Variants in ADAMTS2 observed in about 807,000 individuals in gnomAD.
ADAMTS2 encodes the protein ADAM metallopeptidase with thrombospondin type 1 motif 2, also known as A disintegrin and metalloproteinase with thrombospondin motifs 2.
Under a neutral mutation model 123.0 loss-of-function variants are expected in ADAMTS2, and 50 were observed. The observed-to-expected ratio is 0.41, with a 90% CI of 0.32 to 0.51. ADAMTS2 has a LOEUF of 0.51. ADAMTS2 is among the 20% of genes least tolerant of loss of function. ADAMTS2 has a pLI of 0.35. For missense variants in ADAMTS2, 1,494 were observed against 1,705.2 expected, an observed-to-expected ratio of 0.88 and a Z score of 2.18; for synonymous variants, 678 against 695.4, an observed-to-expected ratio of 0.98 and a Z score of 0.39.
chr5:179,289,490 A>G (rs1756126231), intron 2 of ADAMTS2, among the ~76,000 whole-genome samples: 1 of 152,220 alleles, frequency 6.6e-6, no homozygotes, highest in Admixed American at 6.5e-5. Flanking sequence ...GGTACGACTT[A>G]TCCGTGGAGG....
intron 3 of ADAMTS2, among the ~76,000 whole-genome samples, chr5:179,221,313 G>A (rs1055850343): frequency 3.3e-5 from 5 of 152,110 alleles, no homozygotes; most frequent in Admixed American, 6.5e-5. Context: ...TCTGTCCCCC[G>A]CATCCCGAGC....
At chr5:179,154,976 G>GC in intron 6 of ADAMTS2, 57 bp from the exon 7 acceptor site, 1 of 1,501,678 alleles carries the variant, frequency 6.7e-7, no homozygotes, top group Non-Finnish European at 9.1e-7. Flanking sequence ...GGGAAGGTGA[G>GC]GCCTGGCCTA....
At position 179,201,514 on chromosome 5, in the gene ADAMTS2, G is replaced by A. The variant is rs189683990; in HGVS notation, c.891+5999C>T. Among the ~76,000 whole-genome samples the A allele has an allele frequency of 3.4e-4, 52 of 151,894 alleles. No homozygotes were observed. In the Middle Eastern group the frequency reaches 0.02, roughly 60 times the overall value. ...CATAGCAAAAAAAATGTCCCGGCACGGTGGCTCACGCCTGTAATCCCAGCA... is the reference window on the plus strand; with the variant it reads ...CATAGCAAAAAAAATGTCCCGGCACAGTGGCTCACGCCTGTAATCCCAGCA... On this transcript the variant is annotated intron_variant, in intron 4 of 21. Transcript: ENST00000251582.
chr5:179,286,216 CAAA>C (rs33951526), intron 2 of ADAMTS2, among the ~76,000 whole-genome samples: 4 of 66,050 alleles, frequency 6.1e-5, no homozygotes, highest in African/African-American at 6.2e-5. Flanking sequence ...ACTCTTGTCT[CAAA>C]AAAAAAAAAA....
rs1482657742 is a variant in ADAMTS2 at position 179,117,060 on chromosome 5, C to T, written c.3179-2736G>A. ...CAGATAAAAATCTTACACAGGTGCC[C>T]AATATATGAAACAGATAGACTCAGA... is the stretch of plus-strand genomic sequence containing the variant. On this transcript the variant is annotated intron_variant, in intron 21 of 21. Coordinates refer to ENST00000251582, the MANE Select transcript of ADAMTS2 (RefSeq NM_014244.5). The surrounding 1 kb of genome is among the most constrained non-coding windows in gnomAD (Gnocchi z 4.2). Among the ~76,000 whole-genome samples the T allele has an allele frequency of 6.6e-6, 1 of 152,142 alleles. No individual in the cohort carries two copies. The highest frequency in any genetic ancestry group is 1.5e-5 in the Non-Finnish European group (1 of 68,038).
At chr5:179,326,745 C>T (rs1342057703) in intron 2 of ADAMTS2, among the ~76,000 whole-genome samples, 1 of 152,090 alleles carries the variant, frequency 6.6e-6, no homozygotes, top group Admixed American at 6.6e-5. Context: ...ACAGGAGGCT[C>T]GCTCGCCCAG....
intron 2 of ADAMTS2, 34 bp from the exon 3 acceptor site, chr5:179,273,098 G>A (rs749601062): frequency 1.2e-6 from 2 of 1,613,178 alleles, no homozygotes; most frequent in South Asian, 2.2e-5. Context: ...CAGATTTCCA[G>A]CACACAAAAG....
chr5:179,128,947 T>G lies in ADAMTS2; in HGVS notation c.2458-829A>C, dbSNP rs1210217892. On this transcript the variant is annotated intron_variant, in intron 16 of 21. Coordinates refer to ENST00000251582, the MANE Select transcript of ADAMTS2 (RefSeq NM_014244.5). The surrounding 1 kb of genome is among the most constrained non-coding windows in gnomAD (Gnocchi z 4.9). The stretch of plus-strand genomic sequence containing the variant: ...GTGATGTATGTGACACTCAACAGAC[T>G]GCAGAAAGAACCCCTGTTTGTGGGA... Among the ~76,000 whole-genome samples, 1 of 152,146 alleles carries G rather than the reference T, an allele frequency of 6.6e-6. No homozygotes were observed. The highest frequency in any genetic ancestry group is 1.9e-4 in the East Asian group (1 of 5,188).
At position 179,255,645 on chromosome 5, in the gene ADAMTS2, G is replaced by A. The variant is rs146368460; in HGVS notation, c.688+17266C>T. Among the ~76,000 whole-genome samples the A allele has an allele frequency of 5.7e-3, 861 of 152,080 alleles. 11 individuals are homozygous for A. The highest frequency in any genetic ancestry group is 0.02 in the African/African-American group (824 of 41,484). ...CCTGGCTGGGGCCTGACTCAGAATG[G>A]GGTCAGCAAAGCCCTGAGGTAGAGC... On this transcript the variant is annotated intron_variant, in intron 3 of 21. Coordinates refer to ENST00000251582, the MANE Select transcript of ADAMTS2 (RefSeq NM_014244.5).
intron 2 of ADAMTS2, among the ~76,000 whole-genome samples, chr5:179,280,802 A>ATGTT (rs1766876931): frequency 6.6e-6 from 1 of 152,232 alleles, no homozygotes; most frequent in African/African-American, 2.4e-5. Context: ...CGACTCAACC[A>ATGTT]GAGAGTTTAA....
chr5:179,276,535 A>T (rs1766699973), intron 2 of ADAMTS2, among the ~76,000 whole-genome samples: 1 of 152,178 alleles, frequency 6.6e-6, no homozygotes, highest in South Asian at 2.1e-4. Context: ...TTTCCCGTGC[A>T]CACTCACACA....
At chr5:179,157,885 G>T (rs545360131) in intron 6 of ADAMTS2, among the ~76,000 whole-genome samples, 4 of 151,984 alleles carry the variant, frequency 2.6e-5, no homozygotes, top group Non-Finnish European at 5.9e-5. Flanking sequence ...GTGGATTAGC[G>T]TGCCTTTAAT....
At chr5:179,258,943 G>C (rs922290706) in intron 3 of ADAMTS2, among the ~76,000 whole-genome samples, 7 of 152,120 alleles carry the variant, frequency 4.6e-5, no homozygotes, top group African/African-American at 9.7e-5. Flanking sequence ...GGGCTGATCC[G>C]GCCGCTGCTC....
chr5:179,135,001 C>T (rs1414627138), intron 13 of ADAMTS2, among the ~76,000 whole-genome samples: 1 of 139,570 alleles, frequency 7.2e-6, no homozygotes, highest in African/African-American at 2.7e-5. Flanking sequence ...CCCCAGCTCC[C>T]GGCTCCAGTC....
In ADAMTS2 at chr5:179,228,516, G is replaced by A. The variant is rs1412643478; in HGVS notation, c.689-20801C>T. On this transcript the variant is annotated intron_variant, in intron 3 of 21. Transcript: ENST00000251582. This position sits in a 1 kb window ranked among gnomAD's most constrained non-coding sequence, Gnocchi z 5.2. ...CTGCCATAGCCCAAAACCAGTGTGG[G>A]TGTGAAGCGGAAGGAGACTCTGCAG... Among the ~76,000 whole-genome samples the A allele has an allele frequency of 2.0e-5, 3 of 152,226 alleles. No individual in the cohort carries two copies. Among genetic ancestry groups the A allele is most frequent in the African/African-American group, 7.2e-5 (3 of 41,472 alleles).
intron 2 of ADAMTS2, among the ~76,000 whole-genome samples, chr5:179,296,095 T>C (rs1266040729): frequency 6.6e-5 from 10 of 152,120 alleles, no homozygotes; most frequent in African/African-American, 2.2e-4. Context: ...CCTCGGACGA[T>C]GCAGTGATGG....
Position 179,225,036 on chromosome 5 carries a change from A to C in ADAMTS2, c.689-17321T>G, listed in dbSNP as rs1765248257. 6.6e-6 allele frequency among the ~76,000 whole-genome samples: 1 copy of C among 152,076 alleles called. No homozygotes were observed. The highest frequency in any genetic ancestry group is 1.5e-5 in the Non-Finnish European group (1 of 68,020). On this transcript the variant is annotated intron_variant, in intron 3 of 21. Coordinates refer to ENST00000251582, the MANE Select transcript of ADAMTS2 (RefSeq NM_014244.5). This position sits in a 1 kb window ranked among gnomAD's most constrained non-coding sequence, Gnocchi z 4.5. ...GTTCACGCCCCACTTGTTTCTCCAC[A>C]TCCCTTTCCCACCTTGAAGGACAGC...
At chr5:179,184,189 G>A (rs192857111) in intron 4 of ADAMTS2, among the ~76,000 whole-genome samples, 11 of 152,256 alleles carry the variant, frequency 7.2e-5, no homozygotes, top group Admixed American at 3.9e-4. Context: ...CTGAGTGCCC[G>A]AGATGAGGGC....
chr5:179,341,032 C>T (rs762767904), intron 2 of ADAMTS2, among the ~76,000 whole-genome samples: 14 of 152,260 alleles, frequency 9.2e-5, no homozygotes, highest in South Asian at 6.2e-4. Context: ...GAATAACTTC[C>T]GTCTAGTCAC....
Sources: allele counts gnomAD v4.1 joint callset (sites outside exome capture counted in the v4.1 genomes callset), GRCh38; gene constraint gnomAD v4.1.1; non-coding constraint Gnocchi (gnomAD v3.1); transcripts MANE v1.5; gene names NCBI Gene and HGNC (gene_info 2026-07-23, HGNC 2026-07-21).